The following KIAA1549L variants were observed in gnomAD, a reference collection of about 807,000 sequenced individuals.
KIAA1549L encodes KIAA1549 like, also known as UPF0606 protein KIAA1549L.
Under a neutral mutation model 160.7 loss-of-function variants are expected in KIAA1549L, and 88 were observed. The ratio of observed to expected loss-of-function variants is 0.55; its 90% CI spans 0.46 to 0.65. The LOEUF (loss-of-function observed/expected upper bound fraction) is 0.65. Among genes scored for constraint, KIAA1549L ranks in the 30% least tolerant of loss-of-function variants. The pLI, the probability that KIAA1549L is intolerant of heterozygous loss-of-function variation, is 0.00. For synonymous variants in KIAA1549L, 950 were observed against 976.7 expected (o/e 0.97, Z 0.51); for missense variants, 2,258 against 2,437.5 (o/e 0.93, Z 1.55).
At chr11:33,571,111 C>T (rs757855966) in intron 9 of KIAA1549L, among the ~76,000 whole-genome samples, 7 of 152,162 alleles carry the variant, frequency 4.6e-5, no homozygotes, top group South Asian at 2.1e-4. Context: ...GGTGAAACTC[C>T]GTCTCTACTA....
intron 1 of KIAA1549L, among the ~76,000 whole-genome samples, chr11:33,454,957 C>T (rs1276407887): frequency 6.6e-6 from 1 of 152,066 alleles, no homozygotes; most frequent in South Asian, 2.1e-4. Flanking sequence ...GGCGTGGTGG[C>T]AGGCGCCTGT....
intron 9 of KIAA1549L, among the ~76,000 whole-genome samples, chr11:33,570,339 C>G (rs1228515677): frequency 6.6e-6 from 1 of 152,072 alleles, no homozygotes; most frequent in African/African-American, 2.4e-5. Flanking sequence ...GCACTTGGCC[C>G]CTTTAGCTGC....
intron 6 of KIAA1549L, among the ~76,000 whole-genome samples, chr11:33,559,290 A>G (rs1036644131): frequency 6.6e-6 from 1 of 152,172 alleles, no homozygotes; most frequent in Non-Finnish European, 1.5e-5. Context: ...CTTCAATGTA[A>G]CATTCCAATG....
intron 1 of KIAA1549L, among the ~76,000 whole-genome samples, chr11:33,423,773 A>G (rs1267180425): frequency 1.3e-5 from 2 of 152,218 alleles, no homozygotes; most frequent in East Asian, 3.8e-4. Context: ...CATGCCTGTA[A>G]TTCGAGCACT....
chr11:33,648,791 CTGT>C (rs1046602006), intron 17 of KIAA1549L, among the ~76,000 whole-genome samples: 5 of 151,948 alleles, frequency 3.3e-5, no homozygotes, highest in African/African-American at 1.2e-4. Flanking sequence ...TACAGCCTTC[CTGT>C]TGTTGGGAGA....
intron 16 of KIAA1549L, among the ~76,000 whole-genome samples, chr11:33,630,165 G>A (rs1851239652): frequency 1.3e-5 from 2 of 151,896 alleles, no homozygotes; most frequent in Admixed American, 6.5e-5. Flanking sequence ...ATGCTGGGAG[G>A]ACCACAGCTC....
At chr11:33,645,565 T>G in intron 16 of KIAA1549L, 121 bp from the exon 17 acceptor site, 1 of 730,042 alleles carries the variant, frequency 1.4e-6, no homozygotes, top group East Asian at 2.6e-5. Flanking sequence ...ACGTAGGATA[T>G]AATTTAAATT....
chr11:33,583,260 G>A, intron 10 of KIAA1549L, 78 bp from the exon 11 acceptor site: 14 of 1,364,938 alleles, frequency 1.0e-5, no homozygotes, highest in Non-Finnish European at 1.4e-5. Flanking sequence ...TTGGGACTGG[G>A]GTGGGGGGTT....
rs901605467 is a variant in KIAA1549L, at chr11:33,611,588, GA to G, written c.5279+1630del. Among the ~76,000 whole-genome samples the G allele has an allele frequency of 4.0e-5, 6 of 151,742 alleles. No individual in the cohort carries two copies. In the South Asian group the frequency reaches 6.3e-4, roughly 16 times the overall value. The stretch of plus-strand genomic sequence containing the variant: ...ATGTGTCACTGTGTTAATACCTGTA[GA>G]AAAAAAAGAAAAAAGTTGGGGAGTT... On this transcript the variant is annotated intron_variant, in intron 15 of 20. Coordinates refer to ENST00000658780, the MANE Select transcript of KIAA1549L (RefSeq NM_012194.3).
chr11:33,605,133 A>T (rs1850464089), intron 13 of KIAA1549L, among the ~76,000 whole-genome samples: 2 of 151,346 alleles, frequency 1.3e-5, no homozygotes, highest in African/African-American at 2.4e-5. Context: ...GAGAGAGAGC[A>T]AGGTGGAAGT....
intron 1 of KIAA1549L, among the ~76,000 whole-genome samples, chr11:33,495,644 C>T (rs951965773): frequency 7.4e-4 from 112 of 152,122 alleles, no homozygotes; most frequent in Non-Finnish European, 1.4e-3. Context: ...ATATACCCAG[C>T]AATGGGATGG....
chr11:33,481,848 C>G (rs367672278), intron 1 of KIAA1549L, among the ~76,000 whole-genome samples: 141 of 152,354 alleles, frequency 9.3e-4, no homozygotes, highest in African/African-American at 3.4e-3. Flanking sequence ...GTTTGCATCT[C>G]TACCACCTGA....
At chr11:33,408,189 A>G (rs1000284339) in intron 1 of KIAA1549L, among the ~76,000 whole-genome samples, 5 of 152,160 alleles carry the variant, frequency 3.3e-5, no homozygotes, top group Non-Finnish European at 7.4e-5. Context: ...CTTTTGTAGT[A>G]CCTTCTTTTC....
intron 1 of KIAA1549L, among the ~76,000 whole-genome samples, chr11:33,459,171 G>A (rs913063514): frequency 1.3e-5 from 2 of 152,152 alleles, no homozygotes; most frequent in Admixed American, 6.5e-5. Context: ...ATTGATAATC[G>A]TGTGGAAGAA....
intron 1 of KIAA1549L, among the ~76,000 whole-genome samples, chr11:33,483,095 C>T (rs1206570777): frequency 1.3e-5 from 2 of 152,026 alleles, no homozygotes; most frequent in Non-Finnish European, 2.9e-5. Context: ...TCTCCTCCTC[C>T]TCCTCTCTTT....
Position 33,543,361 on chromosome 11 carries a change from T to G in KIAA1549L, c.1798T>G (p.Ser600Ala). The G allele has an allele frequency of 6.2e-7, 1 of 1,614,076 alleles. No homozygotes were observed. Among genetic ancestry groups the G allele is most frequent in the Admixed American group, 1.7e-5 (1 of 60,032 alleles). Reference sequence around the variant, plus strand: ...TCTTCACACTGTAAATGGATTTGTCTCTGATTTCAGCACCGGTAGTGTCTC... The same window carrying G: ...TCTTCACACTGTAAATGGATTTGTCGCTGATTTCAGCACCGGTAGTGTCTC... Reference protein sequence around the residue: ...LSLHTVNGFVSDFSTGSVSSP... With the variant: ...LSLHTVNGFVADFSTGSVSSP... Residue 600 changes from serine to alanine, a missense_variant, in exon 2 of 21, where the codon TCT (serine) becomes GCT (alanine). Ser to Ala is a moderately conservative substitution (Grantham distance 99). Around this residue, in one of 6 missense-constraint regions of KIAA1549L, gnomAD observed 540 missense variants for 465.7 expected, o/e 1.16. Transcript: ENST00000658780.
chr11:33,662,086 T>C (rs577955553), intron 20 of KIAA1549L, among the ~76,000 whole-genome samples: 2 of 152,194 alleles, frequency 1.3e-5, no homozygotes, highest in Non-Finnish European at 2.9e-5. Flanking sequence ...TTATGAATGA[T>C]TCAGTATCCT....
At chr11:33,558,041 A>T (rs759697165) in intron 6 of KIAA1549L, among the ~76,000 whole-genome samples, 3 of 152,224 alleles carry the variant, frequency 2.0e-5, no homozygotes, top group Admixed American at 6.5e-5. Context: ...TGACTTGATC[A>T]TTACACATTC....
At chr11:33,631,783 C>T (rs144554073) in intron 16 of KIAA1549L, among the ~76,000 whole-genome samples, 3,176 of 152,270 alleles carry the variant, frequency 0.021, 127 homozygotes, top group African/African-American at 0.07. Flanking sequence ...TTAGTTAGTT[C>T]ACTTGTGTTA....
Sources: allele counts gnomAD v4.1 joint callset (sites outside exome capture counted in the v4.1 genomes callset), GRCh38; gene constraint gnomAD v4.1.1; regional missense constraint gnomAD v4.1.1; transcripts MANE v1.5; gene names NCBI Gene and HGNC (gene_info 2026-07-23, HGNC 2026-07-21).